AGBL4: variants seen among roughly 807,000 people sequenced by gnomAD.
The protein encoded by AGBL4 is AGBL carboxypeptidase 4.
Under a neutral mutation model 66.4 loss-of-function variants are expected in AGBL4, and 58 were observed. The ratio of observed to expected loss-of-function variants is 0.87; its 90% CI spans 0.71 to 1.09. The LOEUF is 1.09. AGBL4 is among the 50% of genes least tolerant of loss of function. The pLI is 0.00. For synonymous variants in AGBL4, 234 were observed against 222.9 expected (o/e 1.05, Z -0.44); for missense variants, 579 against 631.0 (o/e 0.92, Z 0.88).
At chr1:49,146,394 CAAAAATT>C (rs1217648912) in intron 4 of AGBL4, among the ~76,000 whole-genome samples, 1 of 151,338 alleles carries the variant, frequency 6.6e-6, no homozygotes, top group East Asian at 1.9e-4. Context: ...TAGATATCTA[CAAAAATT>C]AAAAATAAAA....
intron 6 of AGBL4, among the ~76,000 whole-genome samples, chr1:48,758,142 C>T (rs878941684): frequency 6.6e-6 from 1 of 152,186 alleles, no homozygotes. Context: ...GTTCTATGAG[C>T]AAACCAAAGG....
At chr1:49,259,231 G>C (rs1290486445) in intron 3 of AGBL4, among the ~76,000 whole-genome samples, 1 of 151,796 alleles carries the variant, frequency 6.6e-6, no homozygotes, top group African/African-American at 2.4e-5. Flanking sequence ...ATCGAGACTA[G>C]GAAGAAACTG....
chr1:49,305,640 G>T (rs1644835779), intron 3 of AGBL4, among the ~76,000 whole-genome samples: 1 of 151,850 alleles, frequency 6.6e-6, no homozygotes, highest in Non-Finnish European at 1.5e-5. Flanking sequence ...TTACCTGATT[G>T]TGTAGTTGAT....
intron 2 of AGBL4, among the ~76,000 whole-genome samples, chr1:49,740,724 C>G (rs1276906636): frequency 6.6e-6 from 1 of 152,088 alleles, no homozygotes; most frequent in Non-Finnish European, 1.5e-5. Flanking sequence ...TGCAATCAAA[C>G]TAGAACTCAG....
At chr1:48,668,501 C>T (rs1646225516) in intron 6 of AGBL4, among the ~76,000 whole-genome samples, 1 of 151,948 alleles carries the variant, frequency 6.6e-6, no homozygotes, top group Non-Finnish European at 1.5e-5. Flanking sequence ...AGGCCCCAGC[C>T]CCAGCTAGCA....
At chr1:49,023,395 T>C (rs1356509198) in intron 5 of AGBL4, among the ~76,000 whole-genome samples, 2 of 152,168 alleles carry the variant, frequency 1.3e-5, no homozygotes, top group Non-Finnish European at 2.9e-5. Context: ...TTTGGTATTA[T>C]CCAGCTGTGT....
chr1:49,707,087 C>G (rs1240555093), intron 2 of AGBL4, among the ~76,000 whole-genome samples: 1 of 152,018 alleles, frequency 6.6e-6, no homozygotes, highest in Non-Finnish European at 1.5e-5. Flanking sequence ...GAGTTCAAGT[C>G]TTGAATATCC....
At chr1:49,585,630 T>C (rs966934202) in intron 3 of AGBL4, among the ~76,000 whole-genome samples, 7 of 152,088 alleles carry the variant, frequency 4.6e-5, no homozygotes, top group Non-Finnish European at 1.0e-4. Flanking sequence ...ATTGACTTTG[T>C]GAGATCCCAA....
At chr1:49,324,586 C>G (rs529294705) in intron 3 of AGBL4, among the ~76,000 whole-genome samples, 1 of 152,310 alleles carries the variant, frequency 6.6e-6, no homozygotes, top group Non-Finnish European at 1.5e-5. Flanking sequence ...GAATTTGTTT[C>G]CTTAAAATAA....
intron 5 of AGBL4, among the ~76,000 whole-genome samples, chr1:49,040,453 T>C (rs1478203398): frequency 6.6e-6 from 1 of 152,064 alleles, no homozygotes; most frequent in South Asian, 2.1e-4. Flanking sequence ...CCTAATGATT[T>C]CACTCCAAGA....
In AGBL4 at chr1:49,761,127, TC is replaced by T. The variant is rs1379568570; in HGVS notation, c.158-63691del. On this transcript the variant is annotated intron_variant, in intron 2 of 13. Coordinates refer to ENST00000371839, the MANE Select transcript of AGBL4 (RefSeq NM_032785.4). The stretch of plus-strand genomic sequence containing the variant: ...CAAACCTGCATGTTCTGCACATGCA[TC>T]CCGTTTTTTTTTTTTTTAAGAAAAA... 9.5e-5 allele frequency among the ~76,000 whole-genome samples: 14 copies of T among 147,576 alleles called. 1 individual carries two copies. The highest frequency in any genetic ancestry group is 3.5e-4 in the African/African-American group (14 of 39,866).
At chr1:48,818,391 G>A (rs1028971137) in intron 6 of AGBL4, among the ~76,000 whole-genome samples, 5 of 152,198 alleles carry the variant, frequency 3.3e-5, no homozygotes, top group African/African-American at 1.2e-4. Context: ...GGGCACTGAT[G>A]TCAGTTTTTG....
At chr1:49,665,243 A>T (rs983674640) in intron 3 of AGBL4, among the ~76,000 whole-genome samples, 1 of 152,164 alleles carries the variant, frequency 6.6e-6, no homozygotes, top group Admixed American at 6.6e-5. Flanking sequence ...CTTTGAATAC[A>T]GTGAAGCAAG....
chr1:49,821,161 G>C (rs1645359904), intron 2 of AGBL4, among the ~76,000 whole-genome samples: 1 of 152,078 alleles, frequency 6.6e-6, no homozygotes, highest in Non-Finnish European at 1.5e-5. Flanking sequence ...AAAAGGAATA[G>C]GTACCATGAA....
intron 6 of AGBL4, among the ~76,000 whole-genome samples, chr1:48,782,756 C>A (rs1645326376): frequency 6.6e-6 from 1 of 152,190 alleles, no homozygotes; most frequent in Non-Finnish European, 1.5e-5. Flanking sequence ...ACTGATGAAC[C>A]TACATTGACA....
chr1:49,331,690 G>A (rs1487372883), intron 3 of AGBL4, among the ~76,000 whole-genome samples: 1 of 151,130 alleles, frequency 6.6e-6, no homozygotes, highest in Non-Finnish European at 1.5e-5. Context: ...GAGGCAGGCT[G>A]CCACCTTTGT....
At chr1:49,991,945 T>A (rs1464784902) in intron 1 of AGBL4, among the ~76,000 whole-genome samples, 2 of 152,164 alleles carry the variant, frequency 1.3e-5, no homozygotes, top group African/African-American at 4.8e-5. Context: ...TAGAAATTAA[T>A]CTCATTTACC....
intron 2 of AGBL4, among the ~76,000 whole-genome samples, chr1:49,737,981 T>A (rs1013292024): frequency 6.6e-6 from 1 of 152,172 alleles, no homozygotes; most frequent in Non-Finnish European, 1.5e-5. Context: ...TGCAGGACAG[T>A]GGGTGCAGTG....
At chr1:49,622,650 A>G (rs868529726) in intron 3 of AGBL4, among the ~76,000 whole-genome samples, 3,610 of 149,900 alleles carry the variant, frequency 0.024, 134 homozygotes, top group African/African-American at 0.084. Flanking sequence ...AAAAAAAAAA[A>G]AAAAGAAAAA....
Sources: allele counts gnomAD v4.1 joint callset (sites outside exome capture counted in the v4.1 genomes callset), GRCh38; gene constraint gnomAD v4.1.1; transcripts MANE v1.5; gene names NCBI Gene and HGNC (gene_info 2026-07-23, HGNC 2026-07-21).